Variants in MDGA2 observed in about 807,000 individuals in gnomAD.
MDGA2 encodes the protein MAM domain-containing glycosylphosphatidylinositol anchor protein 2.
Under a neutral mutation model 117.8 loss-of-function variants are expected in MDGA2, and 40 were observed. That is an observed-to-expected ratio of 0.34 (90% confidence interval 0.26 to 0.44). The LOEUF is 0.44. Among genes scored for constraint, MDGA2 ranks in the 20% least tolerant of loss-of-function variants. The pLI, the probability that MDGA2 is intolerant of heterozygous loss-of-function variation, is 1.00. For synonymous variants in MDGA2, 452 were observed against 439.0 expected (o/e 1.03, Z -0.37); for missense variants, 1,123 against 1,250.6 (o/e 0.90, Z 1.54).
At chr14:47,110,236 T>C (rs187543956) in intron 5 of MDGA2, among the ~76,000 whole-genome samples, 2 of 152,138 alleles carry the variant, frequency 1.3e-5, no homozygotes, top group Non-Finnish European at 2.9e-5. Flanking sequence ...CATTGAACAT[T>C]ATTTTTAATA....
intron 1 of MDGA2, among the ~76,000 whole-genome samples, chr14:47,396,521 C>T (rs1228634534): frequency 6.6e-6 from 1 of 152,066 alleles, no homozygotes; most frequent in African/African-American, 2.4e-5. Context: ...TTCTGCACAA[C>T]AAAAGAAACT....
intron 8 of MDGA2, among the ~76,000 whole-genome samples, chr14:47,010,052 T>C (rs1887844105): frequency 6.6e-6 from 1 of 152,080 alleles, no homozygotes; most frequent in African/African-American, 2.4e-5. Flanking sequence ...CTCCTTCTAC[T>C]ATGTAGGATT....
intron 1 of MDGA2, among the ~76,000 whole-genome samples, chr14:47,591,269 T>G (rs1289893028): frequency 6.6e-6 from 1 of 152,088 alleles, no homozygotes; most frequent in Non-Finnish European, 1.5e-5. Context: ...TTGTTAAAGT[T>G]TGGCAGAAAT....
chr14:47,022,645 G>A (rs1202099137), intron 8 of MDGA2, among the ~76,000 whole-genome samples: 2 of 152,100 alleles, frequency 1.3e-5, no homozygotes, highest in Admixed American at 1.3e-4. Context: ...ATTACACATG[G>A]CTGGAGACTT....
chr14:46,858,588 C>T (rs111533179), intron 14 of MDGA2, among the ~76,000 whole-genome samples: 5,398 of 151,838 alleles, frequency 0.036, 335 homozygotes, highest in African/African-American at 0.12. Flanking sequence ...TTACCACACC[C>T]GGCTAATTTT....
chr14:47,357,779 C>G (rs930380949), intron 1 of MDGA2, among the ~76,000 whole-genome samples: 8 of 152,170 alleles, frequency 5.3e-5, no homozygotes, highest in Admixed American at 3.3e-4. Context: ...GCTTGTATTA[C>G]AACAAAAATA....
chr14:47,408,557 G>A lies in MDGA2; in HGVS notation c.281-107007C>T, dbSNP rs568689749. ...AATAAATGGAGAAAGGACTCTAAGC[G>A]CTAAGGGCGGCCATCAGCCGGAAAT... On this transcript the variant is annotated intron_variant, in intron 1 of 16. Transcript: ENST00000399232. 3.3e-5 allele frequency among the ~76,000 whole-genome samples: 5 copies of A among 152,260 alleles called. No individual in the cohort carries two copies. In the East Asian group the frequency reaches 7.7e-4, roughly 24 times the overall value.
intron 1 of MDGA2, among the ~76,000 whole-genome samples, chr14:47,400,803 C>T (rs1208928784): frequency 1.7e-5 from 1 of 59,482 alleles, no homozygotes. Context: ...GTCACCCAGG[C>T]TAGAGTGCAA....
intron 11 of MDGA2, among the ~76,000 whole-genome samples, chr14:46,879,886 T>G (rs1315233373): frequency 1.3e-5 from 2 of 152,174 alleles, no homozygotes; most frequent in Non-Finnish European, 2.9e-5. Context: ...GTTAATAGTT[T>G]TACTTCATAT....
At chr14:47,649,506 G>A (rs1897597451) in intron 1 of MDGA2, among the ~76,000 whole-genome samples, 1 of 152,094 alleles carries the variant, frequency 6.6e-6, no homozygotes, top group Non-Finnish European at 1.5e-5. Context: ...GGCCAACAGT[G>A]AAACCCCGTC....
intron 1 of MDGA2, among the ~76,000 whole-genome samples, chr14:47,304,090 G>A (rs759613616): frequency 2.6e-5 from 4 of 152,116 alleles, no homozygotes; most frequent in Non-Finnish European, 2.9e-5. Context: ...CAAATTTTAA[G>A]TGTGGAAGTT....
intron 1 of MDGA2, among the ~76,000 whole-genome samples, chr14:47,469,310 C>G (rs1052067237): frequency 2.0e-5 from 3 of 152,060 alleles, no homozygotes; most frequent in Admixed American, 1.3e-4. Context: ...TCCCCACTCC[C>G]CGACCCCACA....
chr14:47,442,044 C>T (rs898763384), intron 1 of MDGA2, among the ~76,000 whole-genome samples: 9 of 152,090 alleles, frequency 5.9e-5, no homozygotes, highest in Non-Finnish European at 1.3e-4. Flanking sequence ...AAAAGATAAA[C>T]AGGCTTGTGG....
intron 3 of MDGA2, among the ~76,000 whole-genome samples, chr14:47,205,122 A>G (rs537129864): frequency 6.6e-6 from 1 of 151,956 alleles, no homozygotes; most frequent in African/African-American, 2.4e-5. Context: ...GTTTGTGTGT[A>G]TATATATGTG....
intron 3 of MDGA2, among the ~76,000 whole-genome samples, chr14:47,172,819 GAGA>G (rs1398406140): frequency 6.6e-6 from 1 of 152,200 alleles, no homozygotes; most frequent in African/African-American, 2.4e-5. Flanking sequence ...GACAAGTTGA[GAGA>G]AGAAGGCTTC....
intron 7 of MDGA2, among the ~76,000 whole-genome samples, chr14:47,038,887 C>T (rs142963218): frequency 0.026 from 3,874 of 150,934 alleles, 74 homozygotes; most frequent in Middle Eastern, 0.054. Flanking sequence ...GAGGTGGAGG[C>T]TGCAGTGAGC....
At chr14:46,959,251 A>G (rs867216254) in intron 8 of MDGA2, among the ~76,000 whole-genome samples, 2 of 140,132 alleles carry the variant, frequency 1.4e-5, no homozygotes, top group Non-Finnish European at 3.1e-5. Flanking sequence ...AATGCTATAT[A>G]TGTGTGTGTG....
intron 1 of MDGA2, among the ~76,000 whole-genome samples, chr14:47,468,926 A>G (rs551020194): frequency 1.4e-4 from 21 of 152,052 alleles, no homozygotes; most frequent in Non-Finnish European, 2.8e-4. Context: ...GAGGGCTGAA[A>G]ATTTGAAAAA....
chr14:47,166,199 C>A (rs146798986), intron 3 of MDGA2, among the ~76,000 whole-genome samples: 3,483 of 151,992 alleles, frequency 0.023, 146 homozygotes, highest in African/African-American at 0.079. Context: ...CCAGGCCCGG[C>A]TAATTTTTGT....
Sources: allele counts gnomAD v4.1 joint callset (sites outside exome capture counted in the v4.1 genomes callset), GRCh38; gene constraint gnomAD v4.1.1; transcripts MANE v1.5; gene names NCBI Gene and HGNC (gene_info 2026-07-23, HGNC 2026-07-21).